Variants in CAMK1D observed in about 807,000 individuals in gnomAD.
The protein encoded by CAMK1D is calcium/calmodulin-dependent protein kinase type 1D.
A neutral mutation model predicts 47.7 loss-of-function variants in CAMK1D; 9 were observed. The observed-to-expected ratio is 0.19, with a 90% CI of 0.11 to 0.33. CAMK1D has a LOEUF of 0.33. Ranked by LOEUF, CAMK1D falls within the 10% of genes least tolerant of loss-of-function variation. The pLI is 1.00. For missense variants in CAMK1D, 291 were observed against 488.7 expected, an observed-to-expected ratio of 0.60 and a Z score of 3.81; for synonymous variants, 184 against 184.9, an observed-to-expected ratio of 0.99 and a Z score of 0.04.
intron 1 of CAMK1D, among the ~76,000 whole-genome samples, chr10:12,380,202 G>C (rs771963292): frequency 2.6e-5 from 4 of 151,834 alleles, no homozygotes; most frequent in Admixed American, 6.6e-5. Flanking sequence ...GTGACAGAGC[G>C]AGACTCTATC....
At chr10:12,353,562 A>G (rs2131830285) in intron 1 of CAMK1D, among the ~76,000 whole-genome samples, 1 of 152,250 alleles carries the variant, frequency 6.6e-6, no homozygotes, top group Admixed American at 6.5e-5. Context: ...AGGTTGGCCC[A>G]GGAGGGTGGA....
chr10:12,676,494 G>A (rs527859596), intron 3 of CAMK1D, among the ~76,000 whole-genome samples: 11 of 152,292 alleles, frequency 7.2e-5, no homozygotes, highest in Admixed American at 1.3e-4. Context: ...GTGCTTTCAC[G>A]TTATGCTAGG....
intron 3 of CAMK1D, among the ~76,000 whole-genome samples, chr10:12,741,032 AT>A (rs1835403201): frequency 6.6e-6 from 1 of 152,166 alleles, no homozygotes; most frequent in African/African-American, 2.4e-5. Context: ...CATCCTTTTG[AT>A]GGAAGAGACT....
chr10:12,501,220 T>A (rs2132140458), intron 1 of CAMK1D, among the ~76,000 whole-genome samples: 1 of 152,354 alleles, frequency 6.6e-6, no homozygotes, highest in East Asian at 1.9e-4. Context: ...CTTTTTCTTT[T>A]TCCTATAAAT....
At chr10:12,734,415 CACACAT>C (rs1835064282) in intron 3 of CAMK1D, among the ~76,000 whole-genome samples, 2 of 9,376 alleles carry the variant, frequency 2.1e-4, no homozygotes, top group East Asian at 0.012. Flanking sequence ...TACACACACA[CACACAT>C]GTATATATAT....
chr10:12,821,042 G>A (rs905245023), intron 8 of CAMK1D, among the ~76,000 whole-genome samples: 3 of 152,208 alleles, frequency 2.0e-5, no homozygotes, highest in Admixed American at 6.5e-5. Context: ...AAGGATTTAA[G>A]CCTGTTTCCT....
At chr10:12,769,090 A>G (rs1431568130) in intron 4 of CAMK1D, among the ~76,000 whole-genome samples, 1 of 152,236 alleles carries the variant, frequency 6.6e-6, no homozygotes, top group Non-Finnish European at 1.5e-5. Context: ...CCTTAAGGGT[A>G]CATGGCTGGA....
At chr10:12,429,488 C>A (rs535084078) in intron 1 of CAMK1D, among the ~76,000 whole-genome samples, 8 of 152,044 alleles carry the variant, frequency 5.3e-5, no homozygotes, top group South Asian at 2.1e-4. Flanking sequence ...TATAGGTGCG[C>A]GCTATCGTGC....
intron 6 of CAMK1D, among the ~76,000 whole-genome samples, chr10:12,793,760 G>A (rs939386901): frequency 3.9e-5 from 6 of 152,212 alleles, no homozygotes. Flanking sequence ...GTTGACAGTG[G>A]GGAGAAGCCT....
intron 1 of CAMK1D, among the ~76,000 whole-genome samples, chr10:12,434,644 C>T (rs1415743494): frequency 2.0e-5 from 3 of 152,252 alleles, no homozygotes; most frequent in Admixed American, 2.0e-4. Flanking sequence ...ATTAGCAAAT[C>T]TCTTTCCCTA....
At chr10:12,605,364 G>GTGTA (rs1554795847) in intron 2 of CAMK1D, among the ~76,000 whole-genome samples, 1 of 151,330 alleles carries the variant, frequency 6.6e-6, no homozygotes, top group East Asian at 2.0e-4. Flanking sequence ...GTGTGTGTGT[G>GTGTA]TGTATGTGTG....
intron 2 of CAMK1D, among the ~76,000 whole-genome samples, chr10:12,658,830 T>A (rs1346977596): frequency 4.6e-5 from 7 of 152,078 alleles, no homozygotes; most frequent in Non-Finnish European, 1.5e-5. Context: ...CACTGAGAGC[T>A]ACCACTCCAT....
At chr10:12,660,286 A>G (rs1474550879) in intron 2 of CAMK1D, among the ~76,000 whole-genome samples, 2 of 151,516 alleles carry the variant, frequency 1.3e-5, no homozygotes, top group East Asian at 1.9e-4. Context: ...AATTTTCCTC[A>G]TTTGCCATGG....
chr10:12,388,503 C>T (rs752624936), intron 1 of CAMK1D, among the ~76,000 whole-genome samples: 17 of 152,260 alleles, frequency 1.1e-4, no homozygotes, highest in South Asian at 2.1e-4. Context: ...CCTTCATCTA[C>T]GCTGGTGTGC....
At chr10:12,362,201 A>G (rs1837685669) in intron 1 of CAMK1D, among the ~76,000 whole-genome samples, 2 of 152,146 alleles carry the variant, frequency 1.3e-5, no homozygotes, top group Non-Finnish European at 2.9e-5. Flanking sequence ...GAACTCTTTC[A>G]TCTTCCCACA....
At chr10:12,727,608 A>C (rs150015441) in intron 3 of CAMK1D, among the ~76,000 whole-genome samples, 109 of 152,318 alleles carry the variant, frequency 7.2e-4, no homozygotes, top group African/African-American at 2.3e-3. Flanking sequence ...TCCTGGAAAC[A>C]CACCACAGCC....
intron 3 of CAMK1D, among the ~76,000 whole-genome samples, chr10:12,680,087 C>T (rs1412008830): frequency 6.6e-6 from 1 of 152,218 alleles, no homozygotes; most frequent in Non-Finnish European, 1.5e-5. Context: ...TTCATTCATT[C>T]ACTCAACAAG....
intron 2 of CAMK1D, among the ~76,000 whole-genome samples, chr10:12,660,858 A>G (rs1363129630): frequency 1.3e-5 from 2 of 152,232 alleles, no homozygotes; most frequent in African/African-American, 2.4e-5. Context: ...TTGAGAGTCA[A>G]CATCCCTTAT....
chr10:12,695,493 C>T lies in CAMK1D; in HGVS notation c.299+28683C>T, dbSNP rs141100331. On this transcript the variant is annotated intron_variant, in intron 3 of 10. Coordinates refer to ENST00000619168, the MANE Select transcript of CAMK1D (RefSeq NM_153498.4). ...TCCCTTCTCCTCCCTGGCCCTGTAG[C>T]CACCGCATTAGAACAAGCGCATGAT... Among the ~76,000 whole-genome samples the T allele has an allele frequency of 9.3e-4, 142 of 152,280 alleles. 4 individuals carry two copies. In the East Asian group the frequency reaches 0.022, roughly 24 times the overall value.
Sources: gnomAD v4.1 joint callset for allele counts (sites outside exome capture counted in the v4.1 genomes callset) on GRCh38, gnomAD v4.1.1 for gene constraint, MANE v1.5 for transcripts, NCBI Gene and HGNC (gene_info 2026-07-23, HGNC 2026-07-21) for gene names.